The following ECPAS variants were observed in gnomAD, a reference collection of about 807,000 sequenced individuals.
ECPAS encodes Ecm29 proteasome adaptor and scaffold, also known as proteasome adapter and scaffold protein ECM29.
In ECPAS, 70 loss-of-function variants were observed where a neutral mutation model predicts 255.1. That is an observed-to-expected ratio of 0.27 (90% confidence interval 0.23 to 0.33). The LOEUF is 0.33. ECPAS is among the 10% of genes least tolerant of loss of function. The pLI, the probability that ECPAS is intolerant of heterozygous loss-of-function variation, is 1.00. For synonymous variants in ECPAS, 784 were observed against 775.0 expected (o/e 1.01, Z -0.19); for missense variants, 1,817 against 2,206.4 (o/e 0.82, Z 3.54).
chr9:111,409,358 G>A (rs1290351240), intron 23 of ECPAS, among the ~76,000 whole-genome samples: 2 of 152,018 alleles, frequency 1.3e-5, no homozygotes, highest in Admixed American at 6.6e-5. Flanking sequence ...TCAGGAGTTC[G>A]AGACCAGCCT....
At chr9:111,409,009 C>T (rs1259000250) in intron 23 of ECPAS, among the ~76,000 whole-genome samples, 1 of 152,188 alleles carries the variant, frequency 6.6e-6, no homozygotes, top group African/African-American at 2.4e-5. Context: ...TCAGCCTATA[C>T]TGGTGTGCGA....
chr9:111,401,943 C>T (rs943831244), intron 24 of ECPAS, among the ~76,000 whole-genome samples: 17 of 152,186 alleles, frequency 1.1e-4, no homozygotes, highest in African/African-American at 4.1e-4. Flanking sequence ...TTCAAACACA[C>T]GTTTTACAAA....
intron 34 of ECPAS, among the ~76,000 whole-genome samples, chr9:111,383,948 A>G (rs536959670): frequency 4.8e-4 from 65 of 136,012 alleles, no homozygotes; most frequent in African/African-American, 1.8e-3. Context: ...AAAAAATTAA[A>G]TAAAGAAGTT....
At chr9:111,393,559 T>C in intron 27 of ECPAS, 121 bp downstream of exon 27, 1 of 694,228 alleles carries the variant, frequency 1.4e-6, no homozygotes, top group East Asian at 2.7e-5. Flanking sequence ...ACAAATAAGG[T>C]TTAATAATTG....
At chr9:111,392,733 T>C (rs565818111) in intron 28 of ECPAS, 35 bp downstream of exon 28, 2 of 1,413,592 alleles carry the variant, frequency 1.4e-6, no homozygotes, top group South Asian at 2.4e-5. Flanking sequence ...ACTTCCTCTA[T>C]GGGCTTGAAT....
chr9:111,445,566 C>T (rs904906661), intron 3 of ECPAS, among the ~76,000 whole-genome samples: 2 of 152,116 alleles, frequency 1.3e-5, no homozygotes, highest in African/African-American at 2.4e-5. Context: ...GGGCACACTG[C>T]ATCTGACTGA....
intron 31 of ECPAS, among the ~76,000 whole-genome samples, chr9:111,388,216 T>C (rs2098153444): frequency 6.6e-6 from 1 of 151,712 alleles, no homozygotes; most frequent in African/African-American, 2.4e-5. Flanking sequence ...TGTCTTCCTA[T>C]GTCTGCTTCT....
At chr9:111,459,375 G>A (rs1451123204) in intron 2 of ECPAS, among the ~76,000 whole-genome samples, 1 of 152,004 alleles carries the variant, frequency 6.6e-6, no homozygotes, top group Non-Finnish European at 1.5e-5. Flanking sequence ...ACAGGTATGA[G>A]CCATCATATT....
At chr9:111,400,402 T>A (rs2131656908) in intron 24 of ECPAS, among the ~76,000 whole-genome samples, 1 of 152,248 alleles carries the variant, frequency 6.6e-6, no homozygotes, top group Middle Eastern at 3.4e-3. Flanking sequence ...GAAAACATGT[T>A]CGAAAAAACA....
At chr9:111,484,062 G>A in intron 1 of ECPAS, 54 bp downstream of exon 1, 1 of 1,132,932 alleles carries the variant, frequency 8.8e-7, no homozygotes, top group East Asian at 4.6e-5. Flanking sequence ...CGGCCTAACC[G>A]CGCCGCCGCG....
intron 1 of ECPAS, among the ~76,000 whole-genome samples, chr9:111,481,245 C>T (rs2098304631): frequency 6.6e-6 from 1 of 152,156 alleles, no homozygotes; most frequent in African/African-American, 2.4e-5. Flanking sequence ...GCCTGTAATC[C>T]CAGCACTTTG....
intron 2 of ECPAS, among the ~76,000 whole-genome samples, chr9:111,464,734 G>A (rs2098277282): frequency 6.6e-6 from 1 of 152,048 alleles, no homozygotes; most frequent in East Asian, 1.9e-4. Flanking sequence ...AAACATATTG[G>A]GTACGATACA....
At chr9:111,410,238 A>G in intron 22 of ECPAS, 25 bp from the exon 23 acceptor site, 2 of 1,593,772 alleles carry the variant, frequency 1.3e-6, no homozygotes, top group South Asian at 2.3e-5. Flanking sequence ...AGCCAAAAAG[A>G]GAATTACATA....
chr9:111,446,959 A>G (rs1291708950), intron 3 of ECPAS, among the ~76,000 whole-genome samples: 1 of 152,196 alleles, frequency 6.6e-6, no homozygotes. Flanking sequence ...TGATACCGCT[A>G]GGCGACAAGA....
rs564286735 is a variant in ECPAS at position 111,362,173 on chromosome 9, C to T, written c.5381-4G>A. The T allele has an allele frequency of 7.2e-7, 1 of 1,380,208 alleles. No homozygotes were observed. Among genetic ancestry groups the T allele is most frequent in the Non-Finnish European group, 9.6e-7 (1 of 1,042,296 alleles). The allele number at this position is 1,380,208 out of a possible 1,614,324, so 85.5% of individuals were successfully genotyped here. A position where few individuals can be genotyped will look rare whatever the true frequency, so the allele number is the denominator to read the frequency against. On this transcript the variant is annotated splice_polypyrimidine_tract_variant and splice_region_variant and intron_variant, in intron 49 of 49. Transcript: ENST00000684092. ...AAACATTCCCACTGTTTAGATTCTG[C>T]ATGAAAAAAAAAAAACAAAAACAAA...
intron 42 of ECPAS, 72 bp downstream of exon 42, chr9:111,372,357 A>G: frequency 7.2e-7 from 1 of 1,384,166 alleles, no homozygotes; most frequent in Non-Finnish European, 1.0e-6. Flanking sequence ...GAGTTTATGA[A>G]TAACGAATGC....
chr9:111,409,148 T>C (rs2098189922), intron 23 of ECPAS, among the ~76,000 whole-genome samples: 1 of 152,196 alleles, frequency 6.6e-6, no homozygotes, highest in South Asian at 2.1e-4. Context: ...CTTAACATAC[T>C]CTCCGGCACA....
chr9:111,457,099 A>G (rs191968089), intron 2 of ECPAS, among the ~76,000 whole-genome samples: 77 of 152,352 alleles, frequency 5.1e-4, no homozygotes, highest in African/African-American at 1.5e-3. Context: ...ATCATGCAAG[A>G]TAAGAATTGA....
chr9:111,394,301 G>A lies in ECPAS; in HGVS notation c.2781C>T (p.Ala927=). The A allele has an allele frequency of 6.7e-7, 1 of 1,497,242 alleles. No homozygotes were observed. Among genetic ancestry groups the A allele is most frequent in the Admixed American group, 2.3e-5 (1 of 42,692 alleles). 92.7% of individuals were successfully genotyped at this position (1,497,242 alleles called of 1,614,324 possible). A position where few individuals can be genotyped will look rare whatever the true frequency, so the allele number is the denominator to read the frequency against. The change falls in exon 26 of 50, where the codon GCC becomes GCT. Residue 927 remains alanine (A), a synonymous_variant. Coordinates refer to ENST00000684092, the MANE Select transcript of ECPAS (RefSeq NM_001364929.1). The part of the protein sequence containing the change: ...TEEEYTPPAG[A]KVNDVVPWVL... ...CCCATGGAACCACATCATTCACTTT[G>A]GCTCCTGGGGAAAAGCAAAGAAAAA... is the stretch of plus-strand genomic sequence containing the variant.
Sources: allele counts gnomAD v4.1 joint callset (sites outside exome capture counted in the v4.1 genomes callset), GRCh38; gene constraint gnomAD v4.1.1; transcripts MANE v1.5; gene names NCBI Gene and HGNC (gene_info 2026-07-23, HGNC 2026-07-21).